PAWR: variants seen among roughly 807,000 people sequenced by gnomAD.
PAWR encodes PRKC apoptosis WT1 regulator protein.
PAWR carries 23 observed loss-of-function variants against 32.0 expected under a neutral mutation model. The ratio of observed to expected loss-of-function variants is 0.72; its 90% CI spans 0.52 to 1.02. The LOEUF is 1.02. PAWR is among the 50% of genes least tolerant of loss of function. The pLI, the probability that PAWR is intolerant of heterozygous loss-of-function variation, is 0.00. For synonymous variants in PAWR, 226 were observed against 187.1 expected (o/e 1.21, Z -1.70); for missense variants, 457 against 437.7 (o/e 1.04, Z -0.39).
Position 79,586,653 on chromosome 12 carries a change from T to G in PAWR, c.*5954A>C, listed in dbSNP as rs1439536963. 6.6e-6 allele frequency: 1 copy of G among 152,208 alleles called. No homozygotes were observed. Among genetic ancestry groups the G allele is most frequent in the Non-Finnish European group, 1.5e-5 (1 of 68,024 alleles). The allele number at this position is 152,208 out of a possible 1,614,324, so 9.4% of individuals were successfully genotyped here. On this transcript the variant is annotated 3_prime_UTR_variant, in exon 7 of 7. Transcript: ENST00000328827. ...CAGTCAAAACTTACTGTTTTTCATA[T>G]GTGTAAAGTAAAAATTCAATCTATC...
At position 79,587,059 on chromosome 12, in the gene PAWR, G is replaced by A. The variant is rs1026037813; in HGVS notation, c.*5548C>T. On this transcript the variant is annotated 3_prime_UTR_variant, in exon 7 of 7. Coordinates refer to ENST00000328827, the MANE Select transcript of PAWR (RefSeq NM_002583.4). ...TGCTGATAGAATTGTGTGCACGCGTGCATGCATGCATAAACACAAAGTGAA... is the reference window on the plus strand; with the variant it reads ...TGCTGATAGAATTGTGTGCACGCGTACATGCATGCATAAACACAAAGTGAA... 1 of 152,058 alleles carries A rather than the reference G, an allele frequency of 6.6e-6. No individual in the cohort carries two copies. The highest frequency in any genetic ancestry group is 2.4e-5 in the African/African-American group (1 of 41,426). The allele number at this position is 152,058 out of a possible 1,614,324, so 9.4% of individuals were successfully genotyped here. A position where few individuals can be genotyped will look rare whatever the true frequency, so the allele number is the denominator to read the frequency against.
At chr12:79,636,227 C>T (rs1875955764) in intron 2 of PAWR, among the ~76,000 whole-genome samples, 1 of 152,076 alleles carries the variant, frequency 6.6e-6, no homozygotes, top group South Asian at 2.1e-4. Context: ...AAAGATTCAT[C>T]TCATGGCAGC....
At chr12:79,635,847 A>C (rs886684763) in intron 2 of PAWR, among the ~76,000 whole-genome samples, 4 of 152,154 alleles carry the variant, frequency 2.6e-5, no homozygotes, top group African/African-American at 9.7e-5. Flanking sequence ...ACAGTATTTC[A>C]CACTCCTGTT....
intron 3 of PAWR, among the ~76,000 whole-genome samples, chr12:79,619,081 TTAAAA>T (rs1330483005): frequency 6.6e-6 from 1 of 151,916 alleles, no homozygotes; most frequent in Non-Finnish European, 1.5e-5. Flanking sequence ...AATTAATAAA[TTAAAA>T]TATTAAATAG....
At chr12:79,690,837 G>A (rs977288775) in intron 1 of PAWR, 35 bp downstream of exon 1, 1 of 152,286 alleles carries the variant, frequency 6.6e-6, no homozygotes, top group Non-Finnish European at 1.5e-5. Flanking sequence ...GTCCCGCCGA[G>A]CGTGGAAAGG....
chr12:79,681,592 A>G (rs1454074029), intron 2 of PAWR, among the ~76,000 whole-genome samples: 2 of 152,248 alleles, frequency 1.3e-5, no homozygotes, highest in Non-Finnish European at 2.9e-5. Context: ...GTAGATTCAA[A>G]AAAATAAGAA....
chr12:79,673,800 C>A (rs2136861313), intron 2 of PAWR, among the ~76,000 whole-genome samples: 1 of 152,220 alleles, frequency 6.6e-6, no homozygotes. Flanking sequence ...TAATCCCATT[C>A]ACAACAACCA....
At chr12:79,685,347 A>G (rs1305293902) in intron 2 of PAWR, among the ~76,000 whole-genome samples, 1 of 152,202 alleles carries the variant, frequency 6.6e-6, no homozygotes, top group East Asian at 1.9e-4. Flanking sequence ...AGTCTGGAGC[A>G]TAATGGGAAT....
intron 4 of PAWR, among the ~76,000 whole-genome samples, chr12:79,597,335 G>T (rs1170243463): frequency 6.6e-6 from 1 of 152,094 alleles, no homozygotes; most frequent in Non-Finnish European, 1.5e-5. Context: ...AAAGTGCTAG[G>T]ATTACAGATG....
intron 2 of PAWR, among the ~76,000 whole-genome samples, chr12:79,625,406 G>A (rs1284763602): frequency 6.6e-6 from 1 of 151,902 alleles, no homozygotes; most frequent in Admixed American, 6.6e-5. Flanking sequence ...ACAGATGCAA[G>A]CTCAACAAGT....
chr12:79,605,384 T>C (rs1180149336), intron 4 of PAWR, among the ~76,000 whole-genome samples: 1 of 152,174 alleles, frequency 6.6e-6, no homozygotes, highest in East Asian at 1.9e-4. Context: ...GTTTATTATA[T>C]ACAGTAGAAA....
chr12:79,601,849 G>A (rs1873974618), intron 4 of PAWR, among the ~76,000 whole-genome samples: 1 of 152,046 alleles, frequency 6.6e-6, no homozygotes, highest in Non-Finnish European at 1.5e-5. Flanking sequence ...AGCAGAAAGG[G>A]ATGCCTTACA....
chr12:79,637,546 A>T (rs1876020699), intron 2 of PAWR, among the ~76,000 whole-genome samples: 1 of 151,936 alleles, frequency 6.6e-6, no homozygotes, highest in Non-Finnish European at 1.5e-5. Context: ...AACATTAAAA[A>T]AAAAAAAAAA....
chr12:79,613,961 A>T (rs1592501419), intron 3 of PAWR, among the ~76,000 whole-genome samples: 3 of 6,944 alleles, frequency 4.3e-4, no homozygotes, highest in Admixed American at 4.0e-3. Flanking sequence ...ATATATATAT[A>T]TATATATATA....
chr12:79,685,637 C>T (rs909243765), intron 2 of PAWR, among the ~76,000 whole-genome samples: 1 of 152,084 alleles, frequency 6.6e-6, no homozygotes, highest in East Asian at 1.9e-4. Context: ...AATAAATTTA[C>T]GTTTTGCCGA....
intron 4 of PAWR, among the ~76,000 whole-genome samples, chr12:79,603,349 G>GTTT (rs1565998349): frequency 1.3e-5 from 2 of 151,966 alleles, no homozygotes; most frequent in Non-Finnish European, 2.9e-5. Flanking sequence ...CCAGCAAAGT[G>GTTT]GTAAAAAGAA....
chr12:79,690,245 A>T lies in PAWR; in HGVS notation c.-1T>A, dbSNP rs777044575. ...TGGTCCGGTAGCCACCGGTCGCCAT[A>T]TTCCCAAAGGGGCCGGTCGGGCTCT... On this transcript the variant is annotated 5_prime_UTR_variant, in exon 2 of 7. Transcript: ENST00000328827. The T allele has an allele frequency of 3.3e-6, 5 of 1,507,972 alleles. No individual in the cohort carries two copies. The highest frequency in any genetic ancestry group is 8.8e-7 in the Non-Finnish European group (1 of 1,132,964). The allele number at this position is 1,507,972 out of a possible 1,614,324, so 93.4% of individuals were successfully genotyped here.
At chr12:79,635,651 T>A (rs938297067) in intron 2 of PAWR, 11 of 152,188 alleles carry the variant, frequency 7.2e-5, no homozygotes, top group African/African-American at 2.7e-4. Flanking sequence ...TTGTTTATAA[T>A]CTTATTTTTA....
chr12:79,589,439 T>C lies in PAWR; in HGVS notation c.*3168A>G, dbSNP rs1203852352. On this transcript the variant is annotated 3_prime_UTR_variant, in exon 7 of 7. Transcript: ENST00000328827. ...GTAGGTTTTTCACCTTAAGAATACATTGCTTCTACCACAATTAAAAATTTT... is the reference window on the plus strand; with the variant it reads ...GTAGGTTTTTCACCTTAAGAATACACTGCTTCTACCACAATTAAAAATTTT... The C allele has an allele frequency of 1.3e-5, 2 of 151,998 alleles. No individual in the cohort carries two copies. Among genetic ancestry groups the C allele is most frequent in the Non-Finnish European group, 2.9e-5 (2 of 67,958 alleles). The allele number at this position is 151,998 out of a possible 1,614,324, so 9.4% of individuals were successfully genotyped here.
Sources: allele counts gnomAD v4.1 joint callset (sites outside exome capture counted in the v4.1 genomes callset), GRCh38; gene constraint gnomAD v4.1.1; transcripts MANE v1.5; gene names NCBI Gene and HGNC (gene_info 2026-07-23, HGNC 2026-07-21).